Variants in FBXO7 observed in about 807,000 individuals in gnomAD.
The protein encoded by FBXO7 is F-box only protein 7.
Under a neutral mutation model 50.2 loss-of-function variants are expected in FBXO7, and 31 were observed. The observed-to-expected ratio is 0.62, with a 90% CI of 0.46 to 0.83. The LOEUF (loss-of-function observed/expected upper bound fraction) is 0.83. FBXO7 is among the 40% of genes least tolerant of loss of function. FBXO7 has a pLI of 0.00. For missense variants in FBXO7, 667 were observed against 646.6 expected, an observed-to-expected ratio of 1.03 and a Z score of -0.34; for synonymous variants, 256 against 253.1, an observed-to-expected ratio of 1.01 and a Z score of -0.11.
intron 4 of FBXO7, among the ~76,000 whole-genome samples, chr22:32,485,842 A>C (rs951414533): frequency 6.6e-6 from 1 of 152,188 alleles, no homozygotes; most frequent in Non-Finnish European, 1.5e-5. Flanking sequence ...TAGTTCAGGT[A>C]CCACTTTGTT....
chr22:32,476,741 T>G (rs2057431417), intron 1 of FBXO7, among the ~76,000 whole-genome samples: 1 of 152,218 alleles, frequency 6.6e-6, no homozygotes, highest in Admixed American at 6.5e-5. Context: ...AATAAAAGAA[T>G]GGCTACTCCA....
Position 32,484,102 on chromosome 22 carries a change from T to C in FBXO7, c.623T>C (p.Leu208Ser), listed in dbSNP as rs1355408515. Residue 208 changes from leucine (L) to serine (S), a missense_variant, in exon 3 of 9, where the codon TTG becomes TCG. Coordinates refer to ENST00000266087, the MANE Select transcript of FBXO7 (RefSeq NM_012179.4). The stretch of plus-strand genomic sequence containing the variant: ...ATAGTGTTGATACATCTTCTCATGT[T>C]GGAGTCAGGTTACATACCTCAGGTA... ...ALIVLIHLLM[L>S]ESGYIPQGTE... 8.7e-6 allele frequency: 14 copies of C among 1,614,160 alleles called. No individual in the cohort carries two copies. The highest frequency in any genetic ancestry group is 1.2e-5 in the Non-Finnish European group (14 of 1,180,000).
In FBXO7 at chr22:32,475,283, T is replaced by A. The variant is rs540420261; in HGVS notation, c.122+159T>A. 8 of 1,590,680 alleles carry A rather than the reference T, an allele frequency of 5.0e-6. No individual in the cohort carries two copies. In the East Asian group the frequency reaches 6.9e-5, roughly 14 times the overall value. ...GGGGGCCTTCACGGGAGGCCCGGGC[T>A]CTTCCGGGCGTCGCGGAGCCGGAGG... On this transcript the variant is annotated intron_variant, in intron 1 of 8. Transcript: ENST00000266087.
intron 4 of FBXO7, among the ~76,000 whole-genome samples, chr22:32,485,767 T>C (rs1264633305): frequency 1.3e-5 from 2 of 152,120 alleles, no homozygotes; most frequent in Non-Finnish European, 2.9e-5. Flanking sequence ...ATGAATAACT[T>C]TTCCTGTTTA....
intron 2 of FBXO7, among the ~76,000 whole-genome samples, chr22:32,481,405 A>G (rs2057464298): frequency 6.6e-6 from 1 of 152,212 alleles, no homozygotes; most frequent in Non-Finnish European, 1.5e-5. Context: ...TTGTCTAGTA[A>G]GATGAAGCTT....
Position 32,483,974 on chromosome 22 carries a change from C to T in FBXO7, c.495C>T (p.Pro165=). The T allele has an allele frequency of 1.2e-6, 2 of 1,614,168 alleles. No homozygotes were observed. Among genetic ancestry groups the T allele is most frequent in the Non-Finnish European group, 1.7e-6 (2 of 1,180,016 alleles). ...AHMAEGTGFY[P]SEPMLCSESV... is the part of the protein sequence containing the mutation. Reference sequence around the variant, plus strand: ...TGGCAGAGGGCACAGGTTTCTATCCCTCAGAACCCATGCTCTGTAGTGAAT... The same window carrying T: ...TGGCAGAGGGCACAGGTTTCTATCCTTCAGAACCCATGCTCTGTAGTGAAT... Residue 165 remains proline (P), a synonymous_variant, in exon 3 of 9, where the codon CCC becomes CCT. Transcript: ENST00000266087.
At chr22:32,482,190 C>G (rs533737338) in intron 2 of FBXO7, among the ~76,000 whole-genome samples, 1 of 152,230 alleles carries the variant, frequency 6.6e-6, no homozygotes, top group South Asian at 2.1e-4. Flanking sequence ...TTTCTGTTTT[C>G]TTAGGAAATA....
chr22:32,476,825 C>T (rs945095061), intron 1 of FBXO7, among the ~76,000 whole-genome samples: 2 of 152,132 alleles, frequency 1.3e-5, no homozygotes, highest in Non-Finnish European at 2.9e-5. Flanking sequence ...ATTAAATACT[C>T]CTCTTAACGC....
intron 1 of FBXO7, chr22:32,475,390 C>T (rs374638118): frequency 8.8e-5 from 141 of 1,611,380 alleles, no homozygotes; most frequent in African/African-American, 1.2e-4. Flanking sequence ...GGCTCTGGTC[C>T]CCTCCTCGGT....
rs557828060 is a variant in FBXO7, at chr22:32,485,653, G to A, written c.787+444G>A. Among the ~76,000 whole-genome samples, 14 of 152,246 alleles carry A rather than the reference G, an allele frequency of 9.2e-5. No homozygotes were observed. In the South Asian group the frequency reaches 2.9e-3, roughly 32 times the overall value. On this transcript the variant is annotated intron_variant, in intron 4 of 8. Coordinates refer to ENST00000266087, the MANE Select transcript of FBXO7 (RefSeq NM_012179.4). ...CTGGGGTCACCATTTATCCAAGTTG[G>A]CATCCCTGTGACCAGCAATGCACAA...
At chr22:32,481,720 A>G (rs562302422) in intron 2 of FBXO7, among the ~76,000 whole-genome samples, 2 of 152,342 alleles carry the variant, frequency 1.3e-5, no homozygotes, top group African/African-American at 4.8e-5. Flanking sequence ...TTCTTATTTC[A>G]TCATATTTGG....
chr22:32,484,311 C>T (rs891035065), intron 3 of FBXO7, among the ~76,000 whole-genome samples, 187 bp downstream of exon 3: 2 of 152,188 alleles, frequency 1.3e-5, no homozygotes, highest in Admixed American at 6.5e-5. Flanking sequence ...TGGAGGAGAA[C>T]ATTTAGAATA....
At position 32,485,103 on chromosome 22, in the gene FBXO7, G is replaced by A; in HGVS notation, c.681G>A (p.Lys227=). The A allele has an allele frequency of 1.2e-6, 2 of 1,614,228 alleles. No individual in the cohort carries two copies. The highest frequency in any genetic ancestry group is 1.7e-6 in the Non-Finnish European group (2 of 1,180,046). ...CCAAAGCACTGTCCATGCCGGAGAA[G>A]TGGAAGTTGAGCGGGGTGTATAAGC... ...TEAKALSMPE[K]WKLSGVYKLQ... Residue 227 remains lysine (K), a synonymous_variant, in exon 4 of 9, where the codon AAG becomes AAA. Coordinates refer to ENST00000266087, the MANE Select transcript of FBXO7 (RefSeq NM_012179.4).
chr22:32,496,720 C>T (rs1437260321), intron 8 of FBXO7, among the ~76,000 whole-genome samples: 1 of 152,176 alleles, frequency 6.6e-6, no homozygotes, highest in Non-Finnish European at 1.5e-5. Flanking sequence ...AGGAGATTAA[C>T]GTTTTCATGT....
At chr22:32,486,603 C>T (rs1204077593) in intron 4 of FBXO7, among the ~76,000 whole-genome samples, 2 of 152,140 alleles carry the variant, frequency 1.3e-5, no homozygotes, top group Admixed American at 6.5e-5. Flanking sequence ...TCCCAAAGTG[C>T]TGGGATTACA....
Position 32,475,114 on chromosome 22 carries a change from TG to T in FBXO7, c.117del (p.Tyr40ThrfsTer11). 1.4e-6 allele frequency: 2 copies of T among 1,462,588 alleles called. No individual in the cohort carries two copies. The highest frequency in any genetic ancestry group is 3.1e-5 in the East Asian group (1 of 32,452). The allele number at this position is 1,462,588 out of a possible 1,614,324, so 90.6% of individuals were successfully genotyped here. On this transcript the variant is annotated frameshift_variant, in exon 1 of 9. Transcript: ENST00000266087. LOFTEE classifies it high-confidence loss of function. ...SHLRQSLLCTWGYSSNTRFTI... is the reference protein window; with the variant it reads ...SHLRQSLLCTXGYSSNTRFTI... ...CCTGAGGCAGTCCCTGCTGTGCACC[TG>T]GGGGTACAGGTACGCTGGGGCCGGG... is the stretch of plus-strand genomic sequence containing the variant.
intron 4 of FBXO7, among the ~76,000 whole-genome samples, chr22:32,485,451 T>A (rs2057492619): frequency 6.6e-6 from 1 of 152,232 alleles, no homozygotes; most frequent in Non-Finnish European, 1.5e-5. Flanking sequence ...TCTTAATCTT[T>A]GTAATATTTT....
intron 1 of FBXO7, among the ~76,000 whole-genome samples, chr22:32,478,452 G>T (rs1356387560): frequency 1.3e-5 from 2 of 152,218 alleles, no homozygotes; most frequent in Non-Finnish European, 2.9e-5. Context: ...ATTGAGGAAA[G>T]CATGGATTAG....
At chr22:32,486,122 G>T (rs1205267995) in intron 4 of FBXO7, among the ~76,000 whole-genome samples, 1 of 152,084 alleles carries the variant, frequency 6.6e-6, no homozygotes, top group Non-Finnish European at 1.5e-5. Context: ...ACTCCTTTCT[G>T]CTGAGATGAA....
Sources: allele counts gnomAD v4.1 joint callset (sites outside exome capture counted in the v4.1 genomes callset), GRCh38; gene constraint gnomAD v4.1.1; transcripts MANE v1.5; gene names NCBI Gene and HGNC (gene_info 2026-07-23, HGNC 2026-07-21).